The following SORCS1 variants were observed in gnomAD, a reference collection of about 807,000 sequenced individuals.
SORCS1 encodes VPS10 domain-containing receptor SorCS1.
In SORCS1, 60 loss-of-function variants were observed where a neutral mutation model predicts 146.1. The ratio of observed to expected loss-of-function variants is 0.41; its 90% CI spans 0.33 to 0.51. The LOEUF is 0.51. Among genes scored for constraint, SORCS1 ranks in the 20% least tolerant of loss-of-function variants. The pLI, the probability that SORCS1 is intolerant of heterozygous loss-of-function variation, is 0.21. For synonymous variants in SORCS1, 637 were observed against 584.0 expected (o/e 1.09, Z -1.31); for missense variants, 1,352 against 1,487.6 (o/e 0.91, Z 1.50).
intron 2 of SORCS1, among the ~76,000 whole-genome samples, chr10:106,861,399 T>TAA (rs35890575): frequency 4.7e-5 from 6 of 128,286 alleles, no homozygotes; most frequent in Non-Finnish European, 8.2e-5. Flanking sequence ...GACTCCGCCT[T>TAA]AAAAAAAAAA....
intron 1 of SORCS1, among the ~76,000 whole-genome samples, chr10:106,987,030 A>T (rs1347946039): frequency 2.0e-5 from 3 of 152,052 alleles, no homozygotes; most frequent in Admixed American, 2.0e-4. Flanking sequence ...GTAATTTTTG[A>T]TTGTTCATCG....
intron 1 of SORCS1, among the ~76,000 whole-genome samples, chr10:107,119,295 C>T (rs1440372908): frequency 2.0e-5 from 3 of 152,156 alleles, no homozygotes; most frequent in African/African-American, 7.2e-5. Flanking sequence ...TAAATGTGCT[C>T]TTATTGTTTA....
chr10:106,766,887 C>T (rs1016559598), intron 4 of SORCS1, among the ~76,000 whole-genome samples: 2 of 152,136 alleles, frequency 1.3e-5, no homozygotes, highest in African/African-American at 4.8e-5. Flanking sequence ...ATTAATATGT[C>T]TTAGAATGAA....
intron 2 of SORCS1, among the ~76,000 whole-genome samples, chr10:106,926,860 CACACACAGAG>C (rs1488449695): frequency 6.5e-4 from 59 of 90,264 alleles, no homozygotes; most frequent in African/African-American, 3.7e-3. Flanking sequence ...CACACACACA[CACACACAGAG>C]AGAGAGAGAG....
chr10:107,088,557 A>G (rs1963942636), intron 1 of SORCS1, among the ~76,000 whole-genome samples: 1 of 152,170 alleles, frequency 6.6e-6, no homozygotes, highest in African/African-American at 2.4e-5. Flanking sequence ...CCAACGATGT[A>G]ACAAAGTAGG....
intron 2 of SORCS1, among the ~76,000 whole-genome samples, chr10:106,914,789 T>C (rs950146297): frequency 9.8e-5 from 15 of 152,298 alleles, no homozygotes; most frequent in Middle Eastern, 3.4e-3. Flanking sequence ...TTCTCATCTC[T>C]CCAAATTATG....
chr10:107,091,120 T>C (rs1590114362), intron 1 of SORCS1, among the ~76,000 whole-genome samples: 1 of 152,214 alleles, frequency 6.6e-6, no homozygotes, highest in African/African-American at 2.4e-5. Flanking sequence ...ACAAAAGTAG[T>C]TCATGCAGCA....
At chr10:106,650,833 G>C (rs888590230) in intron 18 of SORCS1, among the ~76,000 whole-genome samples, 1 of 152,106 alleles carries the variant, frequency 6.6e-6, no homozygotes, top group African/African-American at 2.4e-5. Flanking sequence ...CCTCCTGATA[G>C]TTCTCTTAAC....
At chr10:107,125,232 T>C (rs1344878946) in intron 1 of SORCS1, among the ~76,000 whole-genome samples, 2 of 152,122 alleles carry the variant, frequency 1.3e-5, no homozygotes, top group Non-Finnish European at 2.9e-5. Context: ...ATTACAGGCA[T>C]GAGCCACCAT....
intron 1 of SORCS1, among the ~76,000 whole-genome samples, chr10:107,058,777 AATACCATT>A (rs745845846): frequency 2.0e-5 from 3 of 152,232 alleles, no homozygotes; most frequent in Non-Finnish European, 2.9e-5. Context: ...GGAATTACTA[AATACCATT>A]ATATGAAAGT....
At chr10:106,602,432 T>G (rs1846294925) in intron 23 of SORCS1, among the ~76,000 whole-genome samples, 1 of 151,932 alleles carries the variant, frequency 6.6e-6, no homozygotes. Context: ...AATTCATACA[T>G]TTTTTGCATT....
intron 6 of SORCS1, among the ~76,000 whole-genome samples, chr10:106,718,339 C>G (rs1855529908): frequency 6.6e-6 from 1 of 152,212 alleles, no homozygotes. Context: ...TTGGTTCCTT[C>G]TGGTGGGTTC....
chr10:107,038,805 T>C (rs1589991933), intron 1 of SORCS1, among the ~76,000 whole-genome samples: 1 of 152,130 alleles, frequency 6.6e-6, no homozygotes, highest in African/African-American at 2.4e-5. Flanking sequence ...CAATTAGTTC[T>C]TTTTTGGAGA....
intron 2 of SORCS1, among the ~76,000 whole-genome samples, chr10:106,831,466 G>A (rs1048950647): frequency 1.3e-4 from 20 of 152,108 alleles, no homozygotes; most frequent in African/African-American, 4.1e-4. Flanking sequence ...ATAGAGATAT[G>A]AGTTAACAAT....
At chr10:106,611,805 G>C in intron 22 of SORCS1, 106 bp downstream of exon 22, 2 of 746,570 alleles carry the variant, frequency 2.7e-6, no homozygotes, top group Non-Finnish European at 2.1e-6. Flanking sequence ...GCTTCTTCCT[G>C]CTGGGTTAGT....
chr10:106,765,834 G>C (rs1859526965), intron 4 of SORCS1, among the ~76,000 whole-genome samples: 1 of 151,658 alleles, frequency 6.6e-6, no homozygotes, highest in African/African-American at 2.4e-5. Context: ...AGTGTCCCTA[G>C]AAAGTCTTTT....
chr10:106,912,132 A>C (rs1174165796), intron 2 of SORCS1, among the ~76,000 whole-genome samples: 4 of 151,612 alleles, frequency 2.6e-5, no homozygotes, highest in African/African-American at 9.7e-5. Context: ...AAACAAACAA[A>C]CAAACAAACA....
chr10:106,595,601 A>G (rs1845859873), intron 24 of SORCS1, among the ~76,000 whole-genome samples: 1 of 152,206 alleles, frequency 6.6e-6, no homozygotes, highest in South Asian at 2.1e-4. Context: ...TATGAAATCC[A>G]ATAAAGAAAA....
At chr10:106,809,681 T>C (rs941999395) in intron 3 of SORCS1, among the ~76,000 whole-genome samples, 2 of 152,068 alleles carry the variant, frequency 1.3e-5, no homozygotes, top group Non-Finnish European at 2.9e-5. Flanking sequence ...ACTATATATA[T>C]ATATAAAAAA....
Sources: gnomAD v4.1 joint callset for allele counts (sites outside exome capture counted in the v4.1 genomes callset) on GRCh38, gnomAD v4.1.1 for gene constraint, MANE v1.5 for transcripts, NCBI Gene and HGNC (gene_info 2026-07-23, HGNC 2026-07-21) for gene names.